SLC12A8: variants seen among roughly 807,000 people sequenced by gnomAD.
The protein encoded by SLC12A8 is cation-chloride cotransporter 9.
Under a neutral mutation model 75.6 loss-of-function variants are expected in SLC12A8, and 69 were observed. The ratio of observed to expected loss-of-function variants is 0.91; its 90% CI spans 0.75 to 1.11. The LOEUF (loss-of-function observed/expected upper bound fraction) is 1.11. Among genes scored for constraint, SLC12A8 ranks in the 50% most tolerant of loss-of-function variants. The pLI is 0.00. For missense variants in SLC12A8, 877 were observed against 896.7 expected (o/e 0.98, Z 0.28); for synonymous variants, 365 against 372.8 (o/e 0.98, Z 0.24).
intron 3 of SLC12A8, among the ~76,000 whole-genome samples, chr3:125,187,795 C>A (rs1317550119): frequency 6.7e-6 from 1 of 148,628 alleles, no homozygotes. Context: ...GCCTGGAAGG[C>A]CTCTCCTGCT....
chr3:125,087,137 T>C (rs1422815143), intron 13 of SLC12A8, among the ~76,000 whole-genome samples: 3 of 147,804 alleles, frequency 2.0e-5, no homozygotes. Flanking sequence ...CTTTGTCAAC[T>C]AGACTGGAGT....
rs140442551 is a variant in SLC12A8 at position 125,110,745 on chromosome 3, C to T, written c.913-410G>A. 253 of 158,700 alleles carry T rather than the reference C, an allele frequency of 1.6e-3. 2 individuals carry two copies. Among genetic ancestry groups the T allele is most frequent in the Admixed American group, 0.012 (194 of 16,146 alleles). The allele number at this position is 158,700 out of a possible 1,614,324, so 9.8% of individuals were successfully genotyped here. On this transcript the variant is annotated intron_variant, in intron 8 of 13. Transcript: ENST00000469902. ...CTCATTGGCCTCTTGCCTTTAAGCT[C>T]ACCCTTAAAGATGAGTTTAAATCTT...
At chr3:125,098,863 G>A (rs1470851472) in intron 10 of SLC12A8, among the ~76,000 whole-genome samples, 6 of 152,144 alleles carry the variant, frequency 3.9e-5, no homozygotes, top group Non-Finnish European at 7.4e-5. Flanking sequence ...GATAAGCACA[G>A]TAGAAAAATG....
Position 125,092,120 on chromosome 3 carries a change from G to A in SLC12A8, c.1784C>T (p.Pro595Leu), listed in dbSNP as rs769799727. 1.1e-5 allele frequency: 18 copies of A among 1,611,670 alleles called. No homozygotes were observed. Among genetic ancestry groups the A allele is most frequent in the East Asian group, 1.1e-4 (5 of 44,838 alleles). ...ACTCACCCCCAACAGGGAGACCCAG[G>A]GGTTGCACATGTGGGTATAGAAAGA... ...STSFYTHMCN[P>L]WVSLLGAVGS... The change falls in exon 11 of 14, where the codon CCC becomes CTC. Residue 595 changes from proline (P) to leucine (L), a missense_variant. Pro to Leu is a moderately conservative substitution (Grantham distance 98). Transcript: ENST00000469902.
chr3:125,125,120 CT>C (rs11432176), intron 6 of SLC12A8, among the ~76,000 whole-genome samples: 243 of 145,394 alleles, frequency 1.7e-3, no homozygotes, highest in Middle Eastern at 3.6e-3. Context: ...GCATTGAACC[CT>C]TTTTTTTTTT....
At chr3:125,178,054 C>T in intron 4 of SLC12A8, 80 bp from the exon 5 acceptor site, 2 of 1,152,734 alleles carry the variant, frequency 1.7e-6, no homozygotes, top group Non-Finnish European at 2.5e-6. Context: ...GCGCTGAGAA[C>T]CCTGCACCCC....
chr3:125,092,275 C>A, intron 10 of SLC12A8, 77 bp from the exon 11 acceptor site: 1 of 925,722 alleles, frequency 1.1e-6, no homozygotes, highest in South Asian at 1.4e-5. Flanking sequence ...TACCTATGAG[C>A]TCCTCTTCCC....
At chr3:125,196,000 G>A (rs571924590) in intron 2 of SLC12A8, among the ~76,000 whole-genome samples, 72 of 152,164 alleles carry the variant, frequency 4.7e-4, no homozygotes, top group Non-Finnish European at 1.0e-3. Flanking sequence ...AATAACAGGC[G>A]AACCAGTGAA....
At chr3:125,153,230 T>C (rs1456691002) in intron 5 of SLC12A8, among the ~76,000 whole-genome samples, 1 of 152,156 alleles carries the variant, frequency 6.6e-6, no homozygotes, top group South Asian at 2.1e-4. Flanking sequence ...GCCCGGTACT[T>C]TCCAAGATGC....
chr3:125,138,845 A>AACAC (rs3061221), intron 5 of SLC12A8, among the ~76,000 whole-genome samples: 16,640 of 137,564 alleles, frequency 0.12, 1,090 homozygotes, highest in Non-Finnish European at 0.14. Flanking sequence ...CCTTCTACAA[A>AACAC]ACACACACAC....
rs918298108 is a variant in SLC12A8 at position 125,186,832 on chromosome 3, A to G, written c.390+405T>C. 3.9e-5 allele frequency among the ~76,000 whole-genome samples: 6 copies of G among 152,360 alleles called. No individual in the cohort carries two copies. In the East Asian group the frequency reaches 9.6e-4, roughly 25 times the overall value. ...GCTCATTTGAGAAGTGCCTGCTTCTAGGAAAGCCCTTTGGCACAGGCAAAA... is the reference window on the plus strand; with the variant it reads ...GCTCATTTGAGAAGTGCCTGCTTCTGGGAAAGCCCTTTGGCACAGGCAAAA... On this transcript the variant is annotated intron_variant, in intron 4 of 13. Coordinates refer to ENST00000469902, the MANE Select transcript of SLC12A8 (RefSeq NM_024628.6).
chr3:125,195,441 C>T (rs770537136), intron 2 of SLC12A8, among the ~76,000 whole-genome samples: 11 of 152,192 alleles, frequency 7.2e-5, no homozygotes, highest in Non-Finnish European at 1.3e-4. Flanking sequence ...AGTCTGATTT[C>T]CCTGGGTTAG....
chr3:125,129,586 C>T (rs1933302733), intron 6 of SLC12A8, among the ~76,000 whole-genome samples: 1 of 152,144 alleles, frequency 6.6e-6, no homozygotes, highest in Admixed American at 6.5e-5. Context: ...GTAACTTAAC[C>T]ATCATATCTC....
rs192241140 is a variant in SLC12A8, at chr3:125,212,271, C to T, written c.-46+429G>A. On this transcript the variant is annotated intron_variant, in intron 1 of 13. Coordinates refer to ENST00000469902, the MANE Select transcript of SLC12A8 (RefSeq NM_024628.6). ...TGGGAAGGCTGGGGGACTTGGTGGG[C>T]TGCAGTCCTGCCAAAAGCCGGGTGA... is the stretch of plus-strand genomic sequence containing the variant. 3.9e-3 allele frequency among the ~76,000 whole-genome samples: 591 copies of T among 152,222 alleles called. 4 individuals carry two copies. Among genetic ancestry groups the T allele is most frequent in the Non-Finnish European group, 3.6e-3 (243 of 67,960 alleles).
chr3:125,135,917 G>A, intron 5 of SLC12A8, 135 bp from the exon 6 acceptor site: 2 of 496,082 alleles, frequency 4.0e-6, no homozygotes, highest in Non-Finnish European at 7.2e-6. Flanking sequence ...CACAGCGACA[G>A]AGCGGGTCTG....
chr3:125,154,191 C>T (rs1218211345), intron 5 of SLC12A8, among the ~76,000 whole-genome samples: 1 of 152,230 alleles, frequency 6.6e-6, no homozygotes, highest in East Asian at 1.9e-4. Flanking sequence ...AACTACCGTC[C>T]CCTTTCACTT....
intron 2 of SLC12A8, among the ~76,000 whole-genome samples, 169 bp from the exon 3 acceptor site, chr3:125,190,690 C>T (rs988157281): frequency 6.6e-6 from 1 of 152,276 alleles, no homozygotes; most frequent in East Asian, 1.9e-4. Context: ...CATACACACA[C>T]ATGCGCACAC....
Position 125,212,096 on chromosome 3 carries a change from G to A in SLC12A8, c.-46+604C>T, listed in dbSNP as rs191263203. Among the ~76,000 whole-genome samples the A allele has an allele frequency of 6.2e-4, 94 of 152,236 alleles. 2 individuals are homozygous for A. Among genetic ancestry groups the A allele is most frequent in the African/African-American group, 2.0e-3 (85 of 41,556 alleles). ...GCTCAGGACCCTTTGGTAGAAGGAG[G>A]AAGGGGGAGGAAGAGAGCGAGGGGG... On this transcript the variant is annotated intron_variant, in intron 1 of 13. Transcript: ENST00000469902.
chr3:125,113,711 C>A (rs1264658154), intron 8 of SLC12A8, among the ~76,000 whole-genome samples: 1 of 152,126 alleles, frequency 6.6e-6, no homozygotes, highest in Non-Finnish European at 1.5e-5. Context: ...CTGGCATACA[C>A]CTGTTTGAGC....
Sources: gnomAD v4.1 joint callset for allele counts (sites outside exome capture counted in the v4.1 genomes callset) on GRCh38, gnomAD v4.1.1 for gene constraint, MANE v1.5 for transcripts, NCBI Gene and HGNC (gene_info 2026-07-23, HGNC 2026-07-21) for gene names.